Variants in FUT8 observed in about 807,000 individuals in gnomAD.
The protein encoded by FUT8 is fucosyltransferase 8.
A neutral mutation model predicts 71.3 loss-of-function variants in FUT8; 29 were observed. The ratio of observed to expected loss-of-function variants is 0.41; its 90% CI spans 0.30 to 0.55. The LOEUF is 0.55. Ranked by LOEUF, FUT8 falls within the 20% of genes least tolerant of loss-of-function variation. The pLI is 0.34. For synonymous variants in FUT8, 254 were observed against 239.3 expected (o/e 1.06, Z -0.57); for missense variants, 544 against 702.1 (o/e 0.77, Z 2.55).
At chr14:65,504,116 C>G (rs1181076638) in intron 2 of FUT8, among the ~76,000 whole-genome samples, 1 of 152,160 alleles carries the variant, frequency 6.6e-6, no homozygotes, top group Non-Finnish European at 1.5e-5. Flanking sequence ...CCCACCTACA[C>G]CCCCTTCTTT....
intron 1 of FUT8, among the ~76,000 whole-genome samples, chr14:65,437,720 C>T (rs2065582623): frequency 6.6e-6 from 1 of 151,810 alleles, no homozygotes; most frequent in Non-Finnish European, 1.5e-5. Context: ...TTGTTATTAC[C>T]CATAGTGATT....
At chr14:65,376,196 G>A in the FUT8 span, among the ~76,000 whole-genome samples, 5 of 152,142 alleles carry the variant, frequency 3.3e-5, no homozygotes, top group African/African-American at 1.2e-4. Context: ...ATTTCTATTT[G>A]TCAAGTATGG....
chr14:65,526,581 A>G (rs936059446), intron 2 of FUT8, among the ~76,000 whole-genome samples: 3 of 152,112 alleles, frequency 2.0e-5, no homozygotes, highest in Non-Finnish European at 4.4e-5. Context: ...TAATATTGTT[A>G]TGTGTGAATT....
At chr14:65,464,426 G>A (rs2066012345) in intron 2 of FUT8, among the ~76,000 whole-genome samples, 1 of 152,088 alleles carries the variant, frequency 6.6e-6, no homozygotes, top group Non-Finnish European at 1.5e-5. Flanking sequence ...GGAAGTCCTT[G>A]CCTTGTTCCT....
At chr14:65,457,071 CAACT>C (rs2065903901) in intron 2 of FUT8, among the ~76,000 whole-genome samples, 1 of 152,018 alleles carries the variant, frequency 6.6e-6, no homozygotes, top group Non-Finnish European at 1.5e-5. Context: ...AATGTACAGT[CAACT>C]AAGTAAGGTT....
the FUT8 span, among the ~76,000 whole-genome samples, chr14:65,379,286 T>C: frequency 6.6e-6 from 1 of 151,720 alleles, no homozygotes; most frequent in South Asian, 2.1e-4. Flanking sequence ...TCCCAGCACT[T>C]TGGGGGGCTG....
chr14:65,701,127 T>A (rs1313639957), intron 7 of FUT8, among the ~76,000 whole-genome samples: 2 of 152,216 alleles, frequency 1.3e-5, no homozygotes, highest in African/African-American at 4.8e-5. Context: ...CATAAAATAT[T>A]TGTATTCATG....
chr14:65,740,278 T>C (rs1397803446), intron 10 of FUT8, among the ~76,000 whole-genome samples: 2 of 151,962 alleles, frequency 1.3e-5, no homozygotes, highest in East Asian at 3.9e-4. Flanking sequence ...TTTGCATAAA[T>C]CACTTAATCT....
At chr14:65,619,326 C>A (rs928407521) in intron 5 of FUT8, among the ~76,000 whole-genome samples, 8 of 152,102 alleles carry the variant, frequency 5.3e-5, no homozygotes, top group Non-Finnish European at 1.5e-5. Context: ...CATCAGTGAG[C>A]TGTGGGGGTA....
chr14:65,547,636 A>G (rs965203002), intron 2 of FUT8, among the ~76,000 whole-genome samples: 3 of 151,810 alleles, frequency 2.0e-5, no homozygotes, highest in Non-Finnish European at 4.4e-5. Flanking sequence ...TTTTAAATAT[A>G]TCTTGTAGTA....
At chr14:65,451,886 G>A (rs978608497) in intron 1 of FUT8, among the ~76,000 whole-genome samples, 1 of 152,118 alleles carries the variant, frequency 6.6e-6, no homozygotes, top group African/African-American at 2.4e-5. Flanking sequence ...GATGGGATGG[G>A]GCAGGACCGT....
the FUT8 span, among the ~76,000 whole-genome samples, chr14:65,392,602 A>AT: frequency 7.9e-5 from 12 of 152,294 alleles, no homozygotes; most frequent in South Asian, 2.3e-3. Context: ...GAAGAATAAG[A>AT]TTCCTGACTT....
rs550563382 is a variant in FUT8 at position 65,416,828 on chromosome 14, T to A, written c.-326+3614T>A. Among the ~76,000 whole-genome samples, 3 of 151,242 alleles carry A rather than the reference T, an allele frequency of 2.0e-5. No individual in the cohort carries two copies. In the South Asian group the frequency reaches 6.3e-4, roughly 32 times the overall value. On this transcript the variant is annotated intron_variant, in intron 1 of 10. Coordinates refer to ENST00000673929, the MANE Select transcript of FUT8 (RefSeq NM_001371533.1). ...GGTTGTCTCTCTATGTTGCCCAGGTTGGAGTGCAGTAGTGGCGTGATCACG... is the reference window on the plus strand; with the variant it reads ...GGTTGTCTCTCTATGTTGCCCAGGTAGGAGTGCAGTAGTGGCGTGATCACG...
In FUT8 at chr14:65,521,377, TAC is replaced by T. The variant is rs370823623; in HGVS notation, c.-227-39957_-227-39956del. Among the ~76,000 whole-genome samples, 441 of 152,340 alleles carry T rather than the reference TAC, an allele frequency of 2.9e-3. 5 individuals are homozygous for T. Among genetic ancestry groups the T allele is most frequent in the African/African-American group, 9.6e-3 (401 of 41,594 alleles). ...TAAATGAAATTAATGGCTTCTTTTATACACTCACAATATTTATACTTTTCTTT... is the reference window on the plus strand; with the variant it reads ...TAAATGAAATTAATGGCTTCTTTTATACTCACAATATTTATACTTTTCTTT... On this transcript the variant is annotated intron_variant, in intron 2 of 10. Transcript: ENST00000673929.
chr14:65,707,674 T>C (rs1161075707), intron 7 of FUT8, among the ~76,000 whole-genome samples: 1 of 152,172 alleles, frequency 6.6e-6, no homozygotes, highest in Non-Finnish European at 1.5e-5. Flanking sequence ...AGTATAAAAG[T>C]TCAGTTTCAT....
intron 1 of FUT8, among the ~76,000 whole-genome samples, chr14:65,418,171 A>G (rs2065244639): frequency 6.6e-6 from 1 of 152,212 alleles, no homozygotes; most frequent in South Asian, 2.1e-4. Context: ...AAGTGCATAA[A>G]TGCTATAACT....
chr14:65,399,265 C>T, the FUT8 span, among the ~76,000 whole-genome samples: 7 of 152,116 alleles, frequency 4.6e-5, no homozygotes, highest in East Asian at 5.8e-4. Flanking sequence ...TGCAGTGAGC[C>T]GCGATCGCGC....
chr14:65,482,767 A>T (rs1238908117), intron 2 of FUT8, among the ~76,000 whole-genome samples: 1 of 152,042 alleles, frequency 6.6e-6, no homozygotes, highest in African/African-American at 2.4e-5. Flanking sequence ...AAAATAGATC[A>T]GGCCCTTTAA....
At chr14:65,673,081 A>G (rs1892547460) in intron 7 of FUT8, among the ~76,000 whole-genome samples, 1 of 152,266 alleles carries the variant, frequency 6.6e-6, no homozygotes, top group East Asian at 1.9e-4. Context: ...TTGTAAATGA[A>G]AATAATGACT....
Sources: allele counts gnomAD v4.1 joint callset (sites outside exome capture counted in the v4.1 genomes callset), GRCh38; gene constraint gnomAD v4.1.1; transcripts MANE v1.5; gene names NCBI Gene and HGNC (gene_info 2026-07-23, HGNC 2026-07-21).